The following DAB1 variants were observed in gnomAD, a reference collection of about 807,000 sequenced individuals.
DAB1 encodes DAB adaptor protein 1, also known as disabled homolog 1.
In DAB1, 15 loss-of-function variants were observed where a neutral mutation model predicts 64.6. That is an observed-to-expected ratio of 0.23 (90% confidence interval 0.16 to 0.36). The LOEUF is 0.36. Ranked by LOEUF, DAB1 falls within the 10% of genes least tolerant of loss-of-function variation. The pLI, the probability that DAB1 is intolerant of heterozygous loss-of-function variation, is 1.00. For synonymous variants in DAB1, 235 were observed against 251.9 expected (o/e 0.93, Z 0.64); for missense variants, 596 against 706.7 (o/e 0.84, Z 1.78).
chr1:58,223,483 C>T (rs912265990), intron 4 of DAB1, among the ~76,000 whole-genome samples: 1 of 152,174 alleles, frequency 6.6e-6, no homozygotes, highest in East Asian at 1.9e-4. Context: ...AGGTGACGTT[C>T]CAATTACAAA....
intron 2 of DAB1, among the ~76,000 whole-genome samples, chr1:57,246,778 C>T (rs934999537): frequency 1.3e-5 from 2 of 152,212 alleles, no homozygotes; most frequent in African/African-American, 2.4e-5. Flanking sequence ...CCATAGGAGC[C>T]CACTCCTTGA....
rs143735996 is a variant in DAB1 at position 57,658,342 on chromosome 1, C to T, written n.552-8677G>A. On this transcript the variant is annotated intron_variant and non_coding_transcript_variant, in intron 6 of 20. Coordinates refer to the DAB1 transcript ENST00000485760. ...TTTTTTTGAGATGGAGTCTCACTGT[C>T]GCCCAGGCTGGAGTGCAGTGGCGTG... Among the ~76,000 whole-genome samples the T allele has an allele frequency of 1.1e-3, 156 of 139,944 alleles. 1 individual carries two copies. The highest frequency in any genetic ancestry group is 3.7e-3 in the African/African-American group (141 of 37,604). 91.8% of individuals were successfully genotyped at this position (139,944 alleles called of 152,430 possible). A position where few individuals can be genotyped will look rare whatever the true frequency, so the allele number is the denominator to read the frequency against.
At chr1:58,183,182 C>T (rs1314915697) in intron 4 of DAB1, among the ~76,000 whole-genome samples, 1 of 151,988 alleles carries the variant, frequency 6.6e-6, no homozygotes, top group Non-Finnish European at 1.5e-5. Flanking sequence ...GATTCAGTAA[C>T]ATTTCTACCC....
chr1:57,841,018 G>A (rs1300585272), intron 1 of DAB1, among the ~76,000 whole-genome samples: 81 of 152,174 alleles, frequency 5.3e-4, no homozygotes, highest in Non-Finnish European at 8.8e-5. Context: ...TTCTGCCTAT[G>A]AGCCTGTAAA....
In DAB1 at chr1:57,294,363, A is replaced by G. The variant is rs61767392; in HGVS notation, c.-136-3197T>C. ...TGAATTATGTAACATTCCACTACAG[A>G]CATTCTGTCTAGTGAACTGCTTCTA... is the stretch of plus-strand genomic sequence containing the variant. On this transcript the variant is annotated intron_variant, in intron 1 of 14. Transcript: ENST00000371236. Among the ~76,000 whole-genome samples the G allele has an allele frequency of 8.2e-3, 1,242 of 152,270 alleles. 32 individuals are homozygous for G. Among genetic ancestry groups the G allele is most frequent in the East Asian group, 0.08 (414 of 5,180 alleles).
rs1188869970 is a variant in DAB1 at position 58,023,527 on chromosome 1, G to C, written n.387+126984C>G. ...TACGCAGACAGAGTTGGGAACCACT[G>C]TATAAAATGGTGAGGTACTAGAAGG... On this transcript the variant is annotated intron_variant and non_coding_transcript_variant, in intron 5 of 20. Coordinates refer to the DAB1 transcript ENST00000485760. 2.0e-5 allele frequency among the ~76,000 whole-genome samples: 3 copies of C among 152,116 alleles called. No homozygotes were observed. The East Asian group carries it at 5.8e-4, about 29-fold the overall frequency.
intron 5 of DAB1, chr1:58,048,677 C>G (rs186402550): frequency 7.7e-7 from 1 of 1,306,654 alleles, no homozygotes; most frequent in Admixed American, 1.7e-5. Flanking sequence ...ACCACCTCCA[C>G]GACCACCACC....
rs901485949 is a variant in DAB1, at chr1:57,566,248, G to A, written n.625+83344C>T. Reference sequence around the variant, plus strand: ...CCAATGAGAACAAAGACACAACATAGCAGAATCTCTGGGACACATTCAAAG... The same window carrying A: ...CCAATGAGAACAAAGACACAACATAACAGAATCTCTGGGACACATTCAAAG... On this transcript the variant is annotated intron_variant and non_coding_transcript_variant, in intron 7 of 20. Transcript: ENST00000485760. Among the ~76,000 whole-genome samples the A allele has an allele frequency of 3.3e-5, 5 of 152,144 alleles. No individual in the cohort carries two copies. The East Asian group carries it at 9.7e-4, about 29-fold the overall frequency.
intron 7 of DAB1, among the ~76,000 whole-genome samples, chr1:57,441,282 CTT>C (rs754971107): frequency 4.0e-4 from 15 of 37,042 alleles, no homozygotes; most frequent in African/African-American, 9.2e-4. Context: ...CTCTTTCTTT[CTT>C]TCTTTCTTTC....
chr1:57,501,452 G>A (rs1644288577), intron 7 of DAB1, among the ~76,000 whole-genome samples: 1 of 152,158 alleles, frequency 6.6e-6, no homozygotes. Context: ...AGAGGCACTA[G>A]AAATAATAGA....
intron 7 of DAB1, among the ~76,000 whole-genome samples, chr1:57,509,248 C>T (rs916611165): frequency 6.6e-6 from 1 of 152,100 alleles, no homozygotes; most frequent in Non-Finnish European, 1.5e-5. Flanking sequence ...AACACATGCT[C>T]AATAAGTTTC....
chr1:58,140,855 G>T (rs952016098), intron 5 of DAB1, among the ~76,000 whole-genome samples: 1 of 152,194 alleles, frequency 6.6e-6, no homozygotes, highest in Non-Finnish European at 1.5e-5. Context: ...TACAACTCTT[G>T]CAGGAAATAT....
At chr1:58,471,969 A>T (rs1645364290) in intron 3 of DAB1, among the ~76,000 whole-genome samples, 1 of 152,238 alleles carries the variant, frequency 6.6e-6, no homozygotes, top group Non-Finnish European at 1.5e-5. Context: ...GGGCAACAAC[A>T]GCATTATAGT....
intron 2 of DAB1, among the ~76,000 whole-genome samples, chr1:57,149,871 G>A (rs557027965): frequency 7.0e-4 from 107 of 152,238 alleles, no homozygotes; most frequent in Middle Eastern, 3.4e-3. Context: ...TAGTTCACAA[G>A]CACACATGCC....
At chr1:57,541,493 T>C (rs1420995497) in intron 7 of DAB1, among the ~76,000 whole-genome samples, 5 of 152,222 alleles carry the variant, frequency 3.3e-5, no homozygotes, top group Admixed American at 2.6e-4. Context: ...AACATATCTT[T>C]CTTCATAGTG....
chr1:57,293,351 G>A (rs1474966805), intron 1 of DAB1, among the ~76,000 whole-genome samples: 1 of 152,138 alleles, frequency 6.6e-6, no homozygotes, highest in Non-Finnish European at 1.5e-5. Context: ...GACAACTTCA[G>A]TTCCAGCCCC....
intron 7 of DAB1, among the ~76,000 whole-genome samples, chr1:57,547,841 G>A (rs748658524): frequency 2.6e-5 from 4 of 152,140 alleles, no homozygotes; most frequent in Admixed American, 6.5e-5. Context: ...GGAATTCTCT[G>A]TACTATCTTT....
Position 58,346,198 on chromosome 1 carries a change from G to A in DAB1, n.258-2795C>T, listed in dbSNP as rs1157487900. ...TCCTGCTGCAGATGAATGGGCAGGCGGCCTGCAGCCTGATCAAAATTTTCT... is the reference window on the plus strand; with the variant it reads ...TCCTGCTGCAGATGAATGGGCAGGCAGCCTGCAGCCTGATCAAAATTTTCT... On this transcript the variant is annotated intron_variant and non_coding_transcript_variant, in intron 3 of 20. Transcript: ENST00000485760. 3.9e-5 allele frequency among the ~76,000 whole-genome samples: 6 copies of A among 152,294 alleles called. No individual in the cohort carries two copies. In the East Asian group the frequency reaches 7.7e-4, roughly 20 times the overall value.
At chr1:58,332,411 A>T (rs1017784612) in intron 4 of DAB1, among the ~76,000 whole-genome samples, 1 of 152,088 alleles carries the variant, frequency 6.6e-6, no homozygotes, top group Non-Finnish European at 1.5e-5. Context: ...TACCTTGGAG[A>T]TGTTGGAGTT....
Sources: allele counts gnomAD v4.1 joint callset (sites outside exome capture counted in the v4.1 genomes callset), GRCh38; gene constraint gnomAD v4.1.1; transcripts MANE v1.5; gene names NCBI Gene and HGNC (gene_info 2026-07-23, HGNC 2026-07-21).